ZNF254: variants seen among roughly 807,000 people sequenced by gnomAD.
ZNF254 encodes the protein CTD-2017D11.1.
A neutral mutation model predicts 12.4 loss-of-function variants in ZNF254; 10 were observed. The ratio of observed to expected loss-of-function variants is 0.80; its 90% CI spans 0.50 to 1.36. ZNF254 has a LOEUF of 1.36. Ranked by LOEUF, ZNF254 falls within the 40% of genes most tolerant of loss-of-function variation. The pLI is 0.00. For missense variants in ZNF254, 996 were observed against 763.9 expected (o/e 1.30, Z -3.58); for synonymous variants, 305 against 253.4 (o/e 1.20, Z -1.93).
chr19:24,120,808 G>A (rs910140868), intron 3 of ZNF254, among the ~76,000 whole-genome samples: 1 of 151,912 alleles, frequency 6.6e-6, no homozygotes. Flanking sequence ...AACTATACGC[G>A]GCTGCCACCA....
chr19:24,091,341 A>G (rs1206204563), intron 1 of ZNF254, among the ~76,000 whole-genome samples: 1 of 151,970 alleles, frequency 6.6e-6, no homozygotes, highest in East Asian at 1.9e-4. Context: ...TCTCTCTTCA[A>G]TTTCAGCTGT....
At position 24,127,563 on chromosome 19, in the gene ZNF254, A is replaced by G. The variant is rs765551439; in HGVS notation, c.1563A>G (p.Glu521=). The G allele has an allele frequency of 1.2e-6, 2 of 1,613,592 alleles. No individual in the cohort carries two copies. Among genetic ancestry groups the G allele is most frequent in the Non-Finnish European group, 1.7e-6 (2 of 1,179,812 alleles). ...IHTGEKPYKC[E]ECGKAFNWSS... The stretch of plus-strand genomic sequence containing the variant: ...CTGGAGAGAAACCCTACAAATGTGA[A>G]GAATGTGGCAAAGCCTTTAACTGGT... Residue 521 remains glutamate, a synonymous_variant, in exon 4 of 4, where the codon GAA becomes GAG. Coordinates refer to ENST00000357002, the MANE Select transcript of ZNF254 (RefSeq NM_203282.4).
chr19:24,127,270 C>T lies in ZNF254; in HGVS notation c.1270C>T (p.His424Tyr). 1 of 1,613,456 alleles carries T rather than the reference C, an allele frequency of 6.2e-7. No individual in the cohort carries two copies. The highest frequency in any genetic ancestry group is 1.1e-5 in the South Asian group (1 of 91,054). ...GFNRSSNLTT[H>Y]KIIHTGEKPY... ...TAATCGATCTTCAAATCTTACTACA[C>T]ATAAGATAATTCATACTGGAGAGAA... The change falls in exon 4 of 4, where the codon CAT (histidine) becomes TAT (tyrosine). Residue 424 changes from histidine (H) to tyrosine (Y), a missense_variant. Physicochemically the swap from His to Tyr is moderately conservative, Grantham distance 83. Transcript: ENST00000357002.
intron 3 of ZNF254, among the ~76,000 whole-genome samples, chr19:24,110,097 A>G (rs1973576077): frequency 6.6e-6 from 1 of 152,092 alleles, no homozygotes; most frequent in Non-Finnish European, 1.5e-5. Flanking sequence ...TCTTATTTTC[A>G]CCATGTGTTT....
chr19:24,110,387 A>G (rs140365677), intron 3 of ZNF254, among the ~76,000 whole-genome samples: 1 of 151,820 alleles, frequency 6.6e-6, no homozygotes, highest in Non-Finnish European at 1.5e-5. Context: ...ATATGGAGAC[A>G]CCCTCTCTAC....
intron 1 of ZNF254, 22 bp downstream of exon 1, chr19:24,087,359 C>T: frequency 6.2e-7 from 1 of 1,613,380 alleles, no homozygotes; most frequent in Non-Finnish European, 8.5e-7. Context: ...AGTCCGACAT[C>T]CCGAGAGAGG....
At position 24,129,909 on chromosome 19, in the gene ZNF254, T is replaced by A. The variant is rs1003154518; in HGVS notation, c.*1929T>A. 6.6e-6 allele frequency: 1 copy of A among 152,104 alleles called. No individual in the cohort carries two copies. The highest frequency in any genetic ancestry group is 2.4e-5 in the African/African-American group (1 of 41,444). The allele number at this position is 152,104 out of a possible 1,614,324, so 9.4% of individuals were successfully genotyped here. On this transcript the variant is annotated 3_prime_UTR_variant, in exon 4 of 4. Transcript: ENST00000357002. ...TGCAAGCACATATGGACTCTTAGAA[T>A]TGATTTACATAAAATTAAATATATA...
chr19:24,119,265 C>T (rs1250986950), intron 3 of ZNF254, among the ~76,000 whole-genome samples: 1 of 151,966 alleles, frequency 6.6e-6, no homozygotes, highest in Non-Finnish European at 1.5e-5. Flanking sequence ...AATCTCGGCT[C>T]ACTGCAACCT....
At chr19:24,115,457 TGGG>T (rs1463308930) in intron 3 of ZNF254, among the ~76,000 whole-genome samples, 1 of 150,078 alleles carries the variant, frequency 6.7e-6, no homozygotes, top group Admixed American at 6.6e-5. Flanking sequence ...TTCCCACTCA[TGGG>T]GGGAATTGAA....
chr19:24,094,926 A>T (rs1364609044), intron 1 of ZNF254, among the ~76,000 whole-genome samples: 3 of 152,086 alleles, frequency 2.0e-5, no homozygotes, highest in African/African-American at 4.8e-5. Context: ...ACCTCAGGGG[A>T]TCCACCTGCC....
Position 24,127,587 on chromosome 19 carries a change from G to A in ZNF254, c.1587G>A (p.Trp529Ter), listed in dbSNP as rs767020297. The A allele has an allele frequency of 6.2e-7, 1 of 1,607,528 alleles. No homozygotes were observed. Among genetic ancestry groups the A allele is most frequent in the Non-Finnish European group, 8.5e-7 (1 of 1,176,666 alleles). Residue 529 changes from tryptophan (W) to a stop codon, truncating the protein, a stop_gained, in exon 4 of 4, where the codon TGG (tryptophan) becomes TGA (stop). Transcript: ENST00000357002. LOFTEE classifies it low-confidence loss of function (END_TRUNC). ...KCEECGKAFN[W>*]SSTLTKHKII... is the part of the protein sequence containing the mutation. ...AAGAATGTGGCAAAGCCTTTAACTG[G>A]TCCTCAACTCTTACTAAACATAAGA...
chr19:24,095,068 A>G (rs1441648219), intron 1 of ZNF254, among the ~76,000 whole-genome samples: 3 of 152,200 alleles, frequency 2.0e-5, no homozygotes, highest in African/African-American at 4.8e-5. Context: ...TGTACCTTCA[A>G]TGGCTAGGTT....
intron 1 of ZNF254, chr19:24,105,607 G>A (rs1409845760): frequency 1.3e-5 from 3 of 239,068 alleles, no homozygotes; most frequent in Non-Finnish European, 2.4e-5. Context: ...AAACAACTAT[G>A]TCTTTTTCAT....
upstream of ZNF254, among the ~76,000 whole-genome samples, chr19:24,085,771 G>C (rs1173205989): frequency 1.3e-5 from 2 of 150,488 alleles, no homozygotes; most frequent in South Asian, 4.2e-4. Context: ...GCCTCTCCTG[G>C]AAATAAAAAA....
chr19:24,046,355 C>T (rs1023198900), intron 2 of ZNF254: 1 of 95,882 alleles, frequency 1.0e-5, no homozygotes, highest in Admixed American at 1.1e-4. Flanking sequence ...CTTTTGTCTT[C>T]CATTATTTTA....
At chr19:24,098,491 G>A (rs1004431860) in intron 1 of ZNF254, 6 of 152,182 alleles carry the variant, frequency 3.9e-5, no homozygotes, top group African/African-American at 1.4e-4. Flanking sequence ...GGCTAGATGA[G>A]CGCAGCAGAG....
chr19:24,078,930 G>C (rs182180242), intron 2 of ZNF254: 6 of 152,280 alleles, frequency 3.9e-5, no homozygotes, highest in Non-Finnish European at 8.8e-5. Flanking sequence ...AGAAGTATCA[G>C]GTTACTAAAA....
chr19:24,052,477 T>C lies in ZNF254; in HGVS notation c.-94+6198T>C, dbSNP rs1249018522. 2.6e-5 allele frequency among the ~76,000 whole-genome samples: 4 copies of C among 152,310 alleles called. 1 individual carries two copies. The South Asian group carries it at 8.3e-4, about 32-fold the overall frequency. Reference sequence around the variant, plus strand: ...GCATTCATTATCTAGGAGATTTAACTCCCCTTTTTGCCTGCACCCTGACCA... The same window carrying C: ...GCATTCATTATCTAGGAGATTTAACCCCCCTTTTTGCCTGCACCCTGACCA... On this transcript the variant is annotated intron_variant, in intron 2 of 4. Coordinates refer to the ZNF254 transcript ENST00000613065.
At chr19:24,035,990 A>G (rs907734371) in intron 1 of ZNF254, among the ~76,000 whole-genome samples, 9 of 152,168 alleles carry the variant, frequency 5.9e-5, no homozygotes, top group African/African-American at 1.9e-4. Flanking sequence ...TGTTTCTTAC[A>G]TTTAGCTTTT....
Sources: allele counts gnomAD v4.1 joint callset (sites outside exome capture counted in the v4.1 genomes callset), GRCh38; gene constraint gnomAD v4.1.1; transcripts MANE v1.5; gene names NCBI Gene and HGNC (gene_info 2026-07-23, HGNC 2026-07-21).